Variants in TNFRSF13B observed in about 807,000 individuals in gnomAD.
TNFRSF13B encodes tumor necrosis factor receptor superfamily member 13B.
Under a neutral mutation model 24.0 loss-of-function variants are expected in TNFRSF13B, and 34 were observed. The ratio of observed to expected loss-of-function variants is 1.41; its 90% CI spans 1.08 to 1.88. The LOEUF is 1.88. TNFRSF13B is among the 40% of genes most tolerant of loss of function. The probability of loss-of-function intolerance (pLI) is 0.00; values close to 1 mark genes in which losing one functional copy is unlikely to be tolerated. For missense variants in TNFRSF13B, 415 were observed against 380.8 expected, an observed-to-expected ratio of 1.09 and a Z score of -0.75; for synonymous variants, 173 against 150.3, an observed-to-expected ratio of 1.15 and a Z score of -1.10.
intron 3 of TNFRSF13B, among the ~76,000 whole-genome samples, chr17:16,945,891 C>T (rs907176853): frequency 6.6e-6 from 1 of 152,170 alleles, no homozygotes; most frequent in East Asian, 1.9e-4. Context: ...AGAAATGCAG[C>T]GGTGGTGATG....
rs370856157 is a variant in TNFRSF13B, at chr17:16,940,390, C to T, written c.567G>A (p.Arg189=). 1 of 1,614,046 alleles carries T rather than the reference C, an allele frequency of 6.2e-7. No homozygotes were observed. Among genetic ancestry groups the T allele is most frequent in the Admixed American group, 1.7e-5 (1 of 60,020 alleles). ...GGGGCTGGCAGGAGCAGGGATCCCC[C>T]CTCTTCTTGAGGAAGCAGGCCACCG... is the stretch of plus-strand genomic sequence containing the variant. ...LVAVACFLKK[R]GDPCSCQPRS... is the part of the protein sequence containing the mutation. The change falls in exon 4 of 5, where the codon AGG becomes AGA. Residue 189 remains arginine (R), a synonymous_variant. Coordinates refer to ENST00000261652, the MANE Select transcript of TNFRSF13B (RefSeq NM_012452.3).
intron 3 of TNFRSF13B, among the ~76,000 whole-genome samples, chr17:16,947,142 G>A (rs1370146103): frequency 6.6e-6 from 1 of 151,954 alleles, no homozygotes; most frequent in African/African-American, 2.4e-5. Flanking sequence ...CCAAAACCTG[G>A]CAAAGACACA....
chr17:16,942,952 C>T (rs1567650534), intron 3 of TNFRSF13B, among the ~76,000 whole-genome samples: 1 of 152,200 alleles, frequency 6.6e-6, no homozygotes, highest in African/African-American at 2.4e-5. Flanking sequence ...GAAGGCCTGA[C>T]AGCCTCGGTG....
chr17:16,952,795 C>G (rs554734635), intron 1 of TNFRSF13B, among the ~76,000 whole-genome samples: 2 of 152,334 alleles, frequency 1.3e-5, no homozygotes, highest in East Asian at 3.9e-4. Flanking sequence ...CTCAGTTTCC[C>G]CATCTGCACA....
Position 16,952,536 on chromosome 17 carries a change from C to T in TNFRSF13B, c.109G>A (p.Glu37Lys). 6.2e-7 allele frequency: 1 copy of T among 1,614,208 alleles called. No individual in the cohort carries two copies. The highest frequency in any genetic ancestry group is 1.6e-4 in the Middle Eastern group (1 of 6,062). Reference protein sequence around the residue: ...TGVAMRSCPEEQYWDPLLGTC... With the variant: ...TGVAMRSCPEKQYWDPLLGTC... ...CCCAGCAGAGGATCCCAGTACTGCT[C>T]TTCGGGGCAGGATCTCATAGCCACC... is the stretch of plus-strand genomic sequence containing the variant. The change falls in exon 2 of 5, where the codon GAG becomes AAG. Residue 37 changes from glutamate (E) to lysine (K), a missense_variant. Transcript: ENST00000261652.
chr17:16,939,588 T>C lies in TNFRSF13B; in HGVS notation c.841A>G (p.Ile281Val), dbSNP rs201451843. ...CCCTCCTGGGCAGGCACACACACAA[T>C]GCCAAGGCCACTGTCTGGGATGTGT... ...CPHIPDSGLG[I>V]VCVPAQEGGP... The change falls in exon 5 of 5, where the codon ATT becomes GTT. Residue 281 changes from isoleucine to valine, a missense_variant. By Grantham distance (29) the Ile-to-Val change is conservative. Transcript: ENST00000261652. 1.2e-5 allele frequency: 19 copies of C among 1,613,208 alleles called. No homozygotes were observed. In the East Asian group the frequency reaches 2.7e-4, roughly 23 times the overall value.
chr17:16,947,588 C>T (rs1342690094), intron 3 of TNFRSF13B, among the ~76,000 whole-genome samples: 2 of 152,174 alleles, frequency 1.3e-5, no homozygotes, highest in Admixed American at 1.3e-4. Flanking sequence ...AGCCAACAAA[C>T]ATGACAAAAT....
intron 3 of TNFRSF13B, among the ~76,000 whole-genome samples, chr17:16,947,178 C>T (rs1433230617): frequency 6.6e-6 from 1 of 152,112 alleles, no homozygotes. Context: ...AAACCACAGG[C>T]CGATATCCCT....
Position 16,939,432 on chromosome 17 carries a change from C to G in TNFRSF13B, c.*115G>C. The G allele has an allele frequency of 1.6e-6, 2 of 1,287,502 alleles. No homozygotes were observed. The highest frequency in any genetic ancestry group is 3.0e-5 in the South Asian group (2 of 67,004). The allele number at this position is 1,287,502 out of a possible 1,614,324, so 79.8% of individuals were successfully genotyped here. A position where few individuals can be genotyped will look rare whatever the true frequency, so the allele number is the denominator to read the frequency against. On this transcript the variant is annotated 3_prime_UTR_variant, in exon 5 of 5. Coordinates refer to ENST00000261652, the MANE Select transcript of TNFRSF13B (RefSeq NM_012452.3). Reference sequence around the variant, plus strand: ...CTCTCTGTCTCCTCTGTTTCTCTCCCTCTCTGCCTCCTCTGTCTCTCTCTC... The same window carrying G: ...CTCTCTGTCTCCTCTGTTTCTCTCCGTCTCTGCCTCCTCTGTCTCTCTCTC...
rs755814930 is a variant in TNFRSF13B at position 16,939,802 on chromosome 17, A to C, written c.632-5T>G. The C allele has an allele frequency of 6.2e-7, 1 of 1,610,818 alleles. No individual in the cohort carries two copies. The highest frequency in any genetic ancestry group is 1.7e-5 in the Admixed American group (1 of 59,902). On this transcript the variant is annotated splice_region_variant and splice_polypyrimidine_tract_variant and intron_variant, in intron 4 of 4. Transcript: ENST00000261652. ...TGCCGGCTTCCATCGCGTGATCTGCAGAGGCGAGAGTGGAGGGCGTGGGCC... is the reference window on the plus strand; with the variant it reads ...TGCCGGCTTCCATCGCGTGATCTGCCGAGGCGAGAGTGGAGGGCGTGGGCC...
At chr17:16,941,595 C>A (rs554618609) in intron 3 of TNFRSF13B, 11 of 985,666 alleles carry the variant, frequency 1.1e-5, no homozygotes, top group African/African-American at 1.7e-5. Context: ...TGATGGCAGA[C>A]AACTACCCCC....
chr17:16,947,583 A>G lies in TNFRSF13B; in HGVS notation c.445+1155T>C, dbSNP rs534637905. Among the ~76,000 whole-genome samples, 11 of 152,392 alleles carry G rather than the reference A, an allele frequency of 7.2e-5. No individual in the cohort carries two copies. The South Asian group carries it at 2.3e-3, about 32-fold the overall frequency. ...TCAAAAGAAGACATGCAAGCAGCCA[A>G]CAAACATGACAAAATGCTCAACATC... On this transcript the variant is annotated intron_variant, in intron 3 of 4. Transcript: ENST00000261652.
At chr17:16,950,851 C>G (rs2087583702) in intron 2 of TNFRSF13B, among the ~76,000 whole-genome samples, 1 of 152,144 alleles carries the variant, frequency 6.6e-6, no homozygotes, top group South Asian at 2.1e-4. Context: ...CTTCCAGGTG[C>G]CCATCTGATT....
intron 1 of TNFRSF13B, 123 bp from the exon 2 acceptor site, chr17:16,952,706 C>G (rs1052580678): frequency 2.8e-6 from 4 of 1,449,196 alleles, no homozygotes; most frequent in Non-Finnish European, 1.9e-6. Flanking sequence ...GTCTGAGGAG[C>G]AGAGAGGGCA....
intron 3 of TNFRSF13B, chr17:16,941,326 A>T: frequency 1.0e-6 from 1 of 987,720 alleles, no homozygotes; most frequent in Middle Eastern, 2.8e-4. Flanking sequence ...GGCTTTGGGC[A>T]TCAGGGCACC....
intron 2 of TNFRSF13B, among the ~76,000 whole-genome samples, chr17:16,951,434 T>C (rs1324541602): frequency 6.6e-6 from 1 of 152,224 alleles, no homozygotes; most frequent in African/African-American, 2.4e-5. Flanking sequence ...AAGCAACGAA[T>C]AATTTTCAAG....
intron 3 of TNFRSF13B, among the ~76,000 whole-genome samples, chr17:16,942,310 C>T (rs1004289508): frequency 3.3e-5 from 5 of 152,212 alleles, no homozygotes; most frequent in African/African-American, 4.8e-5. Flanking sequence ...TCCAAGCCCG[C>T]GGGCCACACA....
At chr17:16,950,247 C>G (rs962445332) in intron 2 of TNFRSF13B, among the ~76,000 whole-genome samples, 10 of 152,180 alleles carry the variant, frequency 6.6e-5, no homozygotes, top group African/African-American at 2.4e-4. Flanking sequence ...GTACCACTTG[C>G]AGGCAGTGTG....
chr17:16,944,476 G>A (rs1384593105), intron 3 of TNFRSF13B, among the ~76,000 whole-genome samples: 2 of 152,152 alleles, frequency 1.3e-5, no homozygotes, highest in African/African-American at 4.8e-5. Flanking sequence ...CACAGCTTGT[G>A]AGGGACATAA....
Sources: gnomAD v4.1 joint callset for allele counts (sites outside exome capture counted in the v4.1 genomes callset) on GRCh38, gnomAD v4.1.1 for gene constraint, MANE v1.5 for transcripts, NCBI Gene and HGNC (gene_info 2026-07-23, HGNC 2026-07-21) for gene names.